PRKG1: variants seen among roughly 807,000 people sequenced by gnomAD.
The protein encoded by PRKG1 is protein kinase cGMP-dependent 1.
Under a neutral mutation model 88.1 loss-of-function variants are expected in PRKG1, and 35 were observed. The observed-to-expected ratio is 0.40, with a 90% CI of 0.30 to 0.53. PRKG1 has a LOEUF of 0.53. PRKG1 is among the 20% of genes least tolerant of loss of function. The pLI is 0.59. For synonymous variants in PRKG1, 303 were observed against 292.5 expected (o/e 1.04, Z -0.37); for missense variants, 540 against 839.8 (o/e 0.64, Z 4.41).
At chr10:51,035,299 G>A (rs962227951) in intron 1 of PRKG1, among the ~76,000 whole-genome samples, 6 of 152,094 alleles carry the variant, frequency 3.9e-5, no homozygotes, top group African/African-American at 9.7e-5. Flanking sequence ...CATTATCCAC[G>A]TTGTAACTAA....
chr10:51,479,449 T>G (rs1213519454), intron 3 of PRKG1, among the ~76,000 whole-genome samples: 1 of 152,056 alleles, frequency 6.6e-6, no homozygotes, highest in East Asian at 1.9e-4. Flanking sequence ...TTATAGTTGG[T>G]AGGTGCTTTT....
At chr10:51,060,198 A>G (rs954088645) in intron 1 of PRKG1, among the ~76,000 whole-genome samples, 1 of 151,936 alleles carries the variant, frequency 6.6e-6, no homozygotes, top group African/African-American at 2.4e-5. Context: ...CTTATATAAC[A>G]GTTGTCTCTT....
intron 3 of PRKG1, among the ~76,000 whole-genome samples, chr10:51,633,280 T>G (rs1356693342): frequency 6.6e-6 from 1 of 151,906 alleles, no homozygotes; most frequent in Non-Finnish European, 1.5e-5. Flanking sequence ...CTTTCTATAC[T>G]AAAAGAAAAA....
At chr10:51,651,665 C>A (rs2132314451) in intron 3 of PRKG1, among the ~76,000 whole-genome samples, 1 of 151,884 alleles carries the variant, frequency 6.6e-6, no homozygotes, top group African/African-American at 2.4e-5. Flanking sequence ...CTCACTGCAA[C>A]CTCTGCCTCC....
intron 5 of PRKG1, among the ~76,000 whole-genome samples, chr10:51,942,687 C>T (rs1284848766): frequency 6.7e-6 from 1 of 149,852 alleles, no homozygotes; most frequent in African/African-American, 2.5e-5. Flanking sequence ...CCAGTTTTCC[C>T]AGCACCATTT....
chr10:51,948,554 G>GCA (rs1843111462), intron 5 of PRKG1, among the ~76,000 whole-genome samples: 4 of 113,730 alleles, frequency 3.5e-5, no homozygotes, highest in African/African-American at 1.7e-4. Flanking sequence ...GTGTGCGTGT[G>GCA]TGTGTGTGTA....
At chr10:52,057,157 T>A (rs1846130252) in intron 6 of PRKG1, among the ~76,000 whole-genome samples, 1 of 152,178 alleles carries the variant, frequency 6.6e-6, no homozygotes, top group South Asian at 2.1e-4. Flanking sequence ...AGAGACACAA[T>A]AGGGGCTGCC....
chr10:51,251,437 C>A (rs1839424943), intron 2 of PRKG1, among the ~76,000 whole-genome samples: 1 of 151,790 alleles, frequency 6.6e-6, no homozygotes, highest in Non-Finnish European at 1.5e-5. Context: ...CCATTTGGAA[C>A]AGCTTATTGT....
chr10:51,884,937 A>G lies in PRKG1; in HGVS notation c.699-22570A>G, dbSNP rs184133756. Among the ~76,000 whole-genome samples, 11 of 152,276 alleles carry G rather than the reference A, an allele frequency of 7.2e-5. No homozygotes were observed. In the South Asian group the frequency reaches 1.9e-3, roughly 26 times the overall value. Reference sequence around the variant, plus strand: ...GAAGCATCTTTAACTCACCATGGAGATATCAGTTTACTCATCCATTGAGGT... The same window carrying G: ...GAAGCATCTTTAACTCACCATGGAGGTATCAGTTTACTCATCCATTGAGGT... On this transcript the variant is annotated intron_variant, in intron 4 of 17. Transcript: ENST00000373980.
At chr10:51,355,342 AG>A (rs558849893) in intron 2 of PRKG1, among the ~76,000 whole-genome samples, 58 of 152,164 alleles carry the variant, frequency 3.8e-4, no homozygotes, top group Non-Finnish European at 6.8e-4. Context: ...ATATTTTTAA[AG>A]GATGATTTTT....
In PRKG1 at chr10:52,262,246, A is replaced by G. The variant is rs535405248; in HGVS notation, c.1174-9104A>G. On this transcript the variant is annotated intron_variant, in intron 10 of 17. Transcript: ENST00000373980. ...ATTTTAACTTACAATATCTGTTTCT[A>G]TAATATGAAGCTGGTTTTTTTTGTT... 8.6e-5 allele frequency among the ~76,000 whole-genome samples: 13 copies of G among 152,020 alleles called. No homozygotes were observed. The East Asian group carries it at 2.5e-3, about 29-fold the overall frequency.
intron 4 of PRKG1, among the ~76,000 whole-genome samples, chr10:51,833,470 A>G (rs1352271655): frequency 1.3e-5 from 2 of 152,226 alleles, no homozygotes; most frequent in African/African-American, 4.8e-5. Flanking sequence ...AAATGATGCA[A>G]CTGAGGCTCA....
At chr10:51,336,490 A>T (rs1319286860) in intron 2 of PRKG1, among the ~76,000 whole-genome samples, 2 of 152,200 alleles carry the variant, frequency 1.3e-5, no homozygotes, top group African/African-American at 4.8e-5. Flanking sequence ...AAGCTGTCAC[A>T]TCCTCTCCCC....
At chr10:51,345,231 T>A (rs1677764062) in intron 2 of PRKG1, among the ~76,000 whole-genome samples, 1 of 152,240 alleles carries the variant, frequency 6.6e-6, no homozygotes. Flanking sequence ...AATTCTTTGC[T>A]GATGAGAATA....
chr10:51,080,811 C>T (rs1844091269), intron 1 of PRKG1, among the ~76,000 whole-genome samples: 1 of 152,206 alleles, frequency 6.6e-6, no homozygotes, highest in Admixed American at 6.5e-5. Flanking sequence ...CTGCTTCCCT[C>T]TCACCATCTT....
At chr10:52,074,351 G>T (rs1323735150) in intron 7 of PRKG1, among the ~76,000 whole-genome samples, 1 of 152,098 alleles carries the variant, frequency 6.6e-6, no homozygotes, top group African/African-American at 2.4e-5. Flanking sequence ...AAACATCAGG[G>T]TGTCTTAGTA....
chr10:51,322,269 A>T (rs1841477222), intron 2 of PRKG1, among the ~76,000 whole-genome samples: 1 of 152,214 alleles, frequency 6.6e-6, no homozygotes, highest in Non-Finnish European at 1.5e-5. Flanking sequence ...AAAAAAATAT[A>T]AAAAAGTGCA....
chr10:51,031,779 C>A (rs546889307), intron 1 of PRKG1, among the ~76,000 whole-genome samples: 1 of 152,044 alleles, frequency 6.6e-6, no homozygotes, highest in African/African-American at 2.4e-5. Flanking sequence ...CTTGTTCACG[C>A]AGGATTATAA....
chr10:51,070,504 C>T (rs1019137633), upstream of PRKG1, among the ~76,000 whole-genome samples: 2 of 152,102 alleles, frequency 1.3e-5, no homozygotes, highest in East Asian at 3.9e-4. Flanking sequence ...AAGATATACA[C>T]ATGAAATGAC....
Sources: allele counts gnomAD v4.1 joint callset (sites outside exome capture counted in the v4.1 genomes callset), GRCh38; gene constraint gnomAD v4.1.1; transcripts MANE v1.5; gene names NCBI Gene and HGNC (gene_info 2026-07-23, HGNC 2026-07-21).